ZBED3: variants seen among roughly 807,000 people sequenced by gnomAD.
ZBED3 encodes zinc finger BED-type containing 3.
For missense variants in ZBED3, 388 were observed against 362.9 expected (o/e 1.07, Z -0.56); for synonymous variants, 175 against 180.0 (o/e 0.97, Z 0.22).
chr5:77,077,543 G>A lies in ZBED3; in HGVS notation c.336C>T (p.Ala112=). The change falls in exon 3 of 3, where the codon GCC becomes GCT. Residue 112 remains alanine (A), a synonymous_variant. Transcript: ENST00000255198. ...GGCCGGGCGGCGGCGGGCAGGGCGC[G>A]GCAGGTGGGGAGCTCCCGGCGCCGC... The part of the protein sequence containing the change: ...ESSGAGSSPP[A]APCPPPPGPA... 1 of 1,228,714 alleles carries A rather than the reference G, an allele frequency of 8.1e-7. No individual in the cohort carries two copies. The highest frequency in any genetic ancestry group is 3.6e-5 in the South Asian group (1 of 28,048). 76.1% of individuals were successfully genotyped at this position (1,228,714 alleles called of 1,614,324 possible).
rs1742902073 is a variant in ZBED3 at position 77,072,343 on chromosome 5, T to C, written c.*4831A>G. On this transcript the variant is annotated 3_prime_UTR_variant, in exon 3 of 3. Transcript: ENST00000255198. The stretch of plus-strand genomic sequence containing the variant: ...TCATTGTTTTATTATAATCTCACCT[T>C]ATTAACCAGAAATGTTAATCTGGTT... The C allele has an allele frequency of 6.6e-6, 1 of 152,194 alleles. No individual in the cohort carries two copies. Among genetic ancestry groups the C allele is most frequent in the African/African-American group, 2.4e-5 (1 of 41,452 alleles). The allele number at this position is 152,194 out of a possible 1,614,324, so 9.4% of individuals were successfully genotyped here.
chr5:77,079,536 G>A (rs975293744), intron 1 of ZBED3, among the ~76,000 whole-genome samples: 4 of 152,058 alleles, frequency 2.6e-5, no homozygotes, highest in Non-Finnish European at 4.4e-5. Context: ...AGTCCACTCC[G>A]GATCAGGTAT....
rs1742975683 is a variant in ZBED3 at position 77,075,964 on chromosome 5, TA to T, written c.*1209del. The T allele has an allele frequency of 1.7e-4, 4 of 23,248 alleles. No homozygotes were observed. Among genetic ancestry groups the T allele is most frequent in the African/African-American group, 9.9e-4 (4 of 4,054 alleles). 1.4% of individuals were successfully genotyped at this position (23,248 alleles called of 1,614,324 possible). On this transcript the variant is annotated 3_prime_UTR_variant, in exon 3 of 3. Coordinates refer to ENST00000255198, the MANE Select transcript of ZBED3 (RefSeq NM_032367.4). ...ATATACATATATATATATATATATATATGTATATGTATATATGTATATATAT... is the reference window on the plus strand; with the variant it reads ...ATATACATATATATATATATATATATTGTATATGTATATATGTATATATAT...
At chr5:77,086,698 T>G (rs1325927970) in intron 1 of ZBED3, 1 of 152,070 alleles carries the variant, frequency 6.6e-6, no homozygotes, top group Non-Finnish European at 1.5e-5. Context: ...ATTCGCTTTC[T>G]CCCTCCGAAA....
At position 77,080,947 on chromosome 5, in the gene ZBED3, A is replaced by T. The variant is rs139316881; in HGVS notation, c.-152-2219T>A. 6.6e-4 allele frequency among the ~76,000 whole-genome samples: 101 copies of T among 152,168 alleles called. 3 individuals carry two copies. In the East Asian group the frequency reaches 0.017, roughly 25 times the overall value. On this transcript the variant is annotated intron_variant, in intron 1 of 2. Coordinates refer to ENST00000255198, the MANE Select transcript of ZBED3 (RefSeq NM_032367.4). Reference sequence around the variant, plus strand: ...TTAAAGTATAAACAAAAAACAAAAAACTCGAGTGCATTTCAGCTGCCCCTG... The same window carrying T: ...TTAAAGTATAAACAAAAAACAAAAATCTCGAGTGCATTTCAGCTGCCCCTG...
In ZBED3 at chr5:77,076,369, A is replaced by G. The variant is rs1008728807; in HGVS notation, c.*805T>C. The G allele has an allele frequency of 6.6e-6, 1 of 152,116 alleles. No homozygotes were observed. Among genetic ancestry groups the G allele is most frequent in the Non-Finnish European group, 1.5e-5 (1 of 68,044 alleles). The allele number at this position is 152,116 out of a possible 1,614,324, so 9.4% of individuals were successfully genotyped here. ...CCCCTTCAGCCCAGAGGTGAGCACT[A>G]TGACGACATGTGGGGAAGAAGCCCT... On this transcript the variant is annotated 3_prime_UTR_variant, in exon 3 of 3. Transcript: ENST00000255198.
At chr5:77,080,448 C>T (rs371873100) in intron 1 of ZBED3, 4 of 498,086 alleles carry the variant, frequency 8.0e-6, no homozygotes, top group Non-Finnish European at 1.6e-5. Context: ...TGTCGGCCAG[C>T]ACAGCGCTGC....
At chr5:77,081,095 G>T (rs1406445562) in intron 1 of ZBED3, among the ~76,000 whole-genome samples, 1 of 152,032 alleles carries the variant, frequency 6.6e-6, no homozygotes, top group Admixed American at 6.6e-5. Context: ...ATATGAGTAG[G>T]CAAATGACCT....
chr5:77,082,254 C>T (rs1188899903), intron 1 of ZBED3, among the ~76,000 whole-genome samples: 3 of 144,162 alleles, frequency 2.1e-5, no homozygotes, highest in Non-Finnish European at 4.5e-5. Context: ...GTGACAACAG[C>T]GAAATGCTGT....
chr5:77,085,885 A>G (rs1294730988), intron 1 of ZBED3, among the ~76,000 whole-genome samples: 2 of 152,244 alleles, frequency 1.3e-5, no homozygotes, highest in Non-Finnish European at 2.9e-5. Flanking sequence ...ATAAATGGTA[A>G]AATGTGTAAA....
chr5:77,077,305 G>T lies in ZBED3; in HGVS notation c.574C>A (p.Leu192Met). Residue 192 changes from leucine (L) to methionine (M), a missense_variant, in exon 3 of 3, where the codon CTG becomes ATG. Coordinates refer to ENST00000255198, the MANE Select transcript of ZBED3 (RefSeq NM_032367.4). ...RRELQAEREA[L>M]QARLRDVSRR... ...CTCACATCCCGCAGCCGCGCCTGCA[G>T]CGCCTCCCGCTCGGCCTGCAGTTCC... is the stretch of plus-strand genomic sequence containing the variant. 7.5e-7 allele frequency: 1 copy of T among 1,330,442 alleles called. No individual in the cohort carries two copies. Among genetic ancestry groups the T allele is most frequent in the Non-Finnish European group, 9.6e-7 (1 of 1,045,364 alleles). The allele number at this position is 1,330,442 out of a possible 1,614,324, so 82.4% of individuals were successfully genotyped here.
chr5:77,077,824 C>T lies in ZBED3; in HGVS notation c.55G>A (p.Ala19Thr). 3.1e-6 allele frequency: 4 copies of T among 1,295,050 alleles called. No individual in the cohort carries two copies. Among genetic ancestry groups the T allele is most frequent in the Non-Finnish European group, 3.9e-6 (4 of 1,027,170 alleles). The allele number at this position is 1,295,050 out of a possible 1,614,324, so 80.2% of individuals were successfully genotyped here. Residue 19 changes from alanine to threonine, a missense_variant, in exon 3 of 3, where the codon GCG becomes ACG. Coordinates refer to ENST00000255198, the MANE Select transcript of ZBED3 (RefSeq NM_032367.4). ...TMDQARGLDD[A>T]AARGGQCPGL... ...GGACACTGACCGCCCCGCGCCGCCGCGTCGTCCAGCCCGCGGGCCTGGTCC... is the reference window on the plus strand; with the variant it reads ...GGACACTGACCGCCCCGCGCCGCCGTGTCGTCCAGCCCGCGGGCCTGGTCC...
chr5:77,077,402 C>A lies in ZBED3; in HGVS notation c.477G>T (p.Gln159His), dbSNP rs1196480586. Residue 159 changes from glutamine to histidine, a missense_variant, in exon 3 of 3, where the codon CAG becomes CAT. By Grantham distance (24) the Gln-to-His change is conservative. Transcript: ENST00000255198. ...GCCTCCGCTCCAGGGCGCGCTCGCCCTGCTCCACGGCCAGCTCGCGCCGCT... is the reference window on the plus strand; with the variant it reads ...GCCTCCGCTCCAGGGCGCGCTCGCCATGCTCCACGGCCAGCTCGCGCCGCT... Reference protein sequence around the residue: ...ELERRELAVEQGERALERRRR... With the variant: ...ELERRELAVEHGERALERRRR... 1 of 1,250,272 alleles carries A rather than the reference C, an allele frequency of 8.0e-7. No individual in the cohort carries two copies. 77.4% of individuals were successfully genotyped at this position (1,250,272 alleles called of 1,614,324 possible).
In ZBED3 at chr5:77,073,375, C is replaced by A. The variant is rs941762862; in HGVS notation, c.*3799G>T. The A allele has an allele frequency of 6.6e-6, 1 of 151,950 alleles. No individual in the cohort carries two copies. The highest frequency in any genetic ancestry group is 1.5e-5 in the Non-Finnish European group (1 of 68,000). The allele number at this position is 151,950 out of a possible 1,614,324, so 9.4% of individuals were successfully genotyped here. A position where few individuals can be genotyped will look rare whatever the true frequency, so the allele number is the denominator to read the frequency against. On this transcript the variant is annotated 3_prime_UTR_variant, in exon 3 of 3. Transcript: ENST00000255198. The stretch of plus-strand genomic sequence containing the variant: ...TAAAAAGGAAATTCAGATCATCTAG[C>A]CCAATTTATAAATCCATATGAAGAA...
chr5:77,077,718 AG>A lies in ZBED3; in HGVS notation c.160del (p.Leu54TrpfsTer40). The stretch of plus-strand genomic sequence containing the variant: ...CGGATGCCCGGGGCGCCCCGGCGCC[AG>A]GTGGAAGTAGCCCCAGGCCTCGGAG... ...PYSEAWGYFH[L>X]APGRPGHPSG... On this transcript the variant is annotated frameshift_variant, in exon 3 of 3. Coordinates refer to ENST00000255198, the MANE Select transcript of ZBED3 (RefSeq NM_032367.4). LOFTEE classifies it low-confidence loss of function (END_TRUNC). The A allele has an allele frequency of 1.5e-6, 2 of 1,348,734 alleles. No individual in the cohort carries two copies. Among genetic ancestry groups the A allele is most frequent in the Non-Finnish European group, 1.9e-6 (2 of 1,055,360 alleles). The allele number at this position is 1,348,734 out of a possible 1,614,324, so 83.5% of individuals were successfully genotyped here. A position where few individuals can be genotyped will look rare whatever the true frequency, so the allele number is the denominator to read the frequency against.
At position 77,073,024 on chromosome 5, in the gene ZBED3, T is replaced by C. The variant is rs1037194634; in HGVS notation, c.*4150A>G. 2.6e-5 allele frequency: 4 copies of C among 152,168 alleles called. No homozygotes were observed. The highest frequency in any genetic ancestry group is 5.9e-5 in the Non-Finnish European group (4 of 68,026). 9.4% of individuals were successfully genotyped at this position (152,168 alleles called of 1,614,324 possible). ...AATGGGGATTATATCCATGCTTTCG[T>C]TGGAGATTTTATTTTAACTAAGGAT... On this transcript the variant is annotated 3_prime_UTR_variant, in exon 3 of 3. Coordinates refer to ENST00000255198, the MANE Select transcript of ZBED3 (RefSeq NM_032367.4).
intron 1 of ZBED3, chr5:77,079,349 C>T (rs2150741233): frequency 6.6e-6 from 1 of 152,294 alleles, no homozygotes; most frequent in East Asian, 1.9e-4. Flanking sequence ...GACAAAGTTC[C>T]AGAATCTTTC....
rs1316197020 is a variant in ZBED3, at chr5:77,077,637, C to T, written c.242G>A (p.Gly81Asp). The T allele has an allele frequency of 8.5e-6, 12 of 1,411,464 alleles. No individual in the cohort carries two copies. Among genetic ancestry groups the T allele is most frequent in the South Asian group, 2.9e-5 (2 of 68,296 alleles). 87.4% of individuals were successfully genotyped at this position (1,411,464 alleles called of 1,614,324 possible). A position where few individuals can be genotyped will look rare whatever the true frequency, so the allele number is the denominator to read the frequency against. The stretch of plus-strand genomic sequence containing the variant: ...CAACGCCGAGGTCCCCGCGTGGAAG[C>T]CCGGGCCGCGGCCCACCTGCTCCCC... ...LCGEQVGRGP[G>D]FHAGTSALWR... Residue 81 changes from glycine (G) to aspartate (D), a missense_variant, in exon 3 of 3, where the codon GGC becomes GAC. Physicochemically the swap from Gly to Asp is moderately conservative, Grantham distance 94. Transcript: ENST00000255198.
In ZBED3 at chr5:77,087,229, C is replaced by G. The variant is rs1339860467; in HGVS notation, c.-271G>C. The G allele has an allele frequency of 6.6e-6, 1 of 152,366 alleles. No individual in the cohort carries two copies. The highest frequency in any genetic ancestry group is 2.4e-5 in the African/African-American group (1 of 41,476). The allele number at this position is 152,366 out of a possible 1,614,324, so 9.4% of individuals were successfully genotyped here. On this transcript the variant is annotated 5_prime_UTR_variant, in exon 1 of 3. Coordinates refer to ENST00000255198, the MANE Select transcript of ZBED3 (RefSeq NM_032367.4). ...GGACGGAAAACCTCCGCGCGTGCCC[C>G]TTAAAGACACAGCGCTGCATTCACA...
Sources: gnomAD v4.1 joint callset for allele counts (sites outside exome capture counted in the v4.1 genomes callset) on GRCh38, gnomAD v4.1.1 for gene constraint, MANE v1.5 for transcripts, NCBI Gene and HGNC (gene_info 2026-07-23, HGNC 2026-07-21) for gene names.